Variants in OCIAD1 observed in about 807,000 individuals in gnomAD.
OCIAD1 encodes the protein OCIA domain containing 1, also known as OCIA domain-containing protein 1.
Under a neutral mutation model 38.9 loss-of-function variants are expected in OCIAD1, and 29 were observed. That is an observed-to-expected ratio of 0.74 (90% CI 0.55 to 1.02). OCIAD1 has a LOEUF of 1.02. Ranked by LOEUF, OCIAD1 falls within the 50% of genes least tolerant of loss-of-function variation. OCIAD1 has a pLI of 0.00. For missense variants in OCIAD1, 288 were observed against 289.6 expected (o/e 0.99, Z 0.04); for synonymous variants, 110 against 92.0 (o/e 1.20, Z -1.12).
chr4:48,818,643 G>A (rs1777163401), intron 1 of OCIAD1, among the ~76,000 whole-genome samples: 1 of 152,132 alleles, frequency 6.6e-6, no homozygotes, highest in African/African-American at 2.4e-5. Context: ...AAAGGAGCAT[G>A]TTCCTACCCA....
intron 7 of OCIAD1, among the ~76,000 whole-genome samples, chr4:48,852,788 A>G (rs996626696): frequency 6.6e-6 from 1 of 152,082 alleles, no homozygotes; most frequent in Non-Finnish European, 1.5e-5. Context: ...GCAGTAAAAG[A>G]TGAGGAATTA....
At chr4:48,812,780 A>T (rs1026280005) in intron 1 of OCIAD1, among the ~76,000 whole-genome samples, 17 of 152,238 alleles carry the variant, frequency 1.1e-4, no homozygotes, top group Non-Finnish European at 2.5e-4. Flanking sequence ...GAGCAAAAAA[A>T]TGAGAATGTG....
chr4:48,831,765 T>C (rs1777529103), intron 1 of OCIAD1, among the ~76,000 whole-genome samples: 3 of 152,192 alleles, frequency 2.0e-5, no homozygotes, highest in African/African-American at 7.2e-5. Flanking sequence ...CTTTTTTATT[T>C]CTTTTCTCTA....
intron 4 of OCIAD1, among the ~76,000 whole-genome samples, chr4:48,847,257 A>G (rs1407475878): frequency 6.6e-6 from 1 of 152,170 alleles, no homozygotes; most frequent in African/African-American, 2.4e-5. Context: ...TCTGTGAAGT[A>G]TCTGTTTAAG....
intron 3 of OCIAD1, chr4:48,837,258 C>G (rs909906434): frequency 5.6e-5 from 8 of 143,606 alleles, no homozygotes; most frequent in African/African-American, 2.1e-4. Flanking sequence ...CAGACGTAAG[C>G]CATCGTTTTT....
In OCIAD1 at chr4:48,860,721, C is replaced by T. The variant is rs368736099; in HGVS notation, c.701-4C>T. 7.6e-6 allele frequency: 12 copies of T among 1,586,198 alleles called. No individual in the cohort carries two copies. In the African/African-American group the frequency reaches 9.5e-5, roughly 12 times the overall value. On this transcript the variant is annotated splice_polypyrimidine_tract_variant and splice_region_variant and intron_variant, in intron 8 of 8. Transcript: ENST00000264312. ...ATCATCAATTATTTATGCTTTTTTC[C>T]TAGTCAAAGTAAACAAGTATGGAGA...
In OCIAD1 at chr4:48,842,708, A is replaced by C. The variant is rs1215363874; in HGVS notation, c.193+19A>C. ...AGTAAAGGTAAATATTTAAAATTTG[A>C]ATTTATTTAGCATTTTGGATACCAT... On this transcript the variant is annotated intron_variant, in intron 4 of 8. Transcript: ENST00000264312. 3 of 1,363,462 alleles carry C rather than the reference A, an allele frequency of 2.2e-6. No individual in the cohort carries two copies. The highest frequency in any genetic ancestry group is 3.0e-6 in the Non-Finnish European group (3 of 986,154). The allele number at this position is 1,363,462 out of a possible 1,614,324, so 84.5% of individuals were successfully genotyped here.
At position 48,851,953 on chromosome 4, in the gene OCIAD1, T is replaced by C; in HGVS notation, c.525T>C (p.Gly175=). ...CTATGAATGAATCTGCTCCCACTGG[T>C]ATTACTGATCATATTGTCCAAGGTA... ...SSSMNESAPT[G]ITDHIVQGPD... Residue 175 remains glycine (G), a synonymous_variant, in exon 7 of 9, where the codon GGT becomes GGC. Coordinates refer to ENST00000264312, the MANE Select transcript of OCIAD1 (RefSeq NM_017830.4). The C allele has an allele frequency of 1.2e-6, 2 of 1,608,474 alleles. No individual in the cohort carries two copies. Among genetic ancestry groups the C allele is most frequent in the South Asian group, 2.2e-5 (2 of 90,438 alleles).
At chr4:48,831,072 GGGTCGC>G (rs1477427099), upstream of OCIAD1, 2 of 236,000 alleles carry the variant, frequency 8.5e-6, no homozygotes, top group Non-Finnish European at 1.7e-5. Flanking sequence ...CAGTGCCTCC[GGGTCGC>G]GGTCATTTTG....
intron 3 of OCIAD1, among the ~76,000 whole-genome samples, chr4:48,840,882 C>T (rs559757587): frequency 8.6e-5 from 13 of 150,778 alleles, no homozygotes; most frequent in East Asian, 7.8e-4. Flanking sequence ...CCAGGCATGG[C>T]GGTGCATGCC....
At chr4:48,812,408 C>T (rs892184899) in intron 1 of OCIAD1, among the ~76,000 whole-genome samples, 5 of 149,660 alleles carry the variant, frequency 3.3e-5, no homozygotes, top group Non-Finnish European at 7.4e-5. Flanking sequence ...ACCGAGATGT[C>T]CAAGGCCTGT....
At chr4:48,818,443 T>C (rs1287115128) in intron 1 of OCIAD1, among the ~76,000 whole-genome samples, 2 of 152,026 alleles carry the variant, frequency 1.3e-5, no homozygotes, top group South Asian at 2.1e-4. Flanking sequence ...AGATCAAAGG[T>C]AGATAAATCC....
intron 1 of OCIAD1, among the ~76,000 whole-genome samples, chr4:48,820,518 A>C (rs983322392): frequency 6.6e-6 from 1 of 152,214 alleles, no homozygotes; most frequent in Non-Finnish European, 1.5e-5. Context: ...AAACAAATTC[A>C]AAAGCTAGCA....
upstream of OCIAD1, among the ~76,000 whole-genome samples, chr4:48,828,143 A>G (rs895789499): frequency 1.3e-5 from 2 of 152,180 alleles, no homozygotes; most frequent in African/African-American, 4.8e-5. Flanking sequence ...AAATGCACCA[A>G]TCAGCACCCT....
intron 1 of OCIAD1, among the ~76,000 whole-genome samples, chr4:48,809,693 C>T (rs1777065827): frequency 6.6e-6 from 1 of 152,112 alleles, no homozygotes; most frequent in Admixed American, 6.5e-5. Flanking sequence ...GTAGGATGCC[C>T]AAGCACCCCA....
chr4:48,833,348 A>G (rs1777699350), intron 2 of OCIAD1, 53 bp from the exon 3 acceptor site: 1 of 1,061,290 alleles, frequency 9.4e-7, no homozygotes. Flanking sequence ...AATTTTTCAG[A>G]CCTAGTTTTA....
chr4:48,818,160 C>T (rs1350191921), intron 1 of OCIAD1, among the ~76,000 whole-genome samples: 2 of 152,178 alleles, frequency 1.3e-5, no homozygotes, highest in African/African-American at 2.4e-5. Flanking sequence ...ACAGACACCT[C>T]TTACAGGAGA....
chr4:48,859,049 CCTT>C (rs1470711970), intron 8 of OCIAD1, among the ~76,000 whole-genome samples: 1 of 152,102 alleles, frequency 6.6e-6, no homozygotes, highest in African/African-American at 2.4e-5. Flanking sequence ...GTCTTTGGTA[CCTT>C]CTTGAAGGTC....
intron 4 of OCIAD1, among the ~76,000 whole-genome samples, chr4:48,846,639 T>C (rs1779001807): frequency 6.6e-6 from 1 of 151,928 alleles, no homozygotes; most frequent in Admixed American, 6.6e-5. Flanking sequence ...TCCCAGCTAC[T>C]TGGGAGGCTG....
Sources: allele counts gnomAD v4.1 joint callset (sites outside exome capture counted in the v4.1 genomes callset), GRCh38; gene constraint gnomAD v4.1.1; transcripts MANE v1.5; gene names NCBI Gene and HGNC (gene_info 2026-07-23, HGNC 2026-07-21).